The following MMP16 variants were observed in gnomAD, a reference collection of about 807,000 sequenced individuals.
The protein encoded by MMP16 is matrix metalloproteinase-16.
Under a neutral mutation model 67.8 loss-of-function variants are expected in MMP16, and 12 were observed. That is an observed-to-expected ratio of 0.18 (90% CI 0.11 to 0.29). The LOEUF is 0.29. Among genes scored for constraint, MMP16 ranks in the 10% least tolerant of loss-of-function variants. The probability of loss-of-function intolerance (pLI) is 1.00; values close to 1 mark genes in which losing one functional copy is unlikely to be tolerated. For missense variants in MMP16, 475 were observed against 765.7 expected (o/e 0.62, Z 4.48); for synonymous variants, 249 against 255.9 (o/e 0.97, Z 0.26).
intron 6 of MMP16, among the ~76,000 whole-genome samples, chr8:88,109,581 T>C (rs1809299744): frequency 6.6e-6 from 1 of 151,246 alleles, no homozygotes; most frequent in Non-Finnish European, 1.5e-5. Flanking sequence ...AGGTCAACAG[T>C]GGCACATTCA....
intron 6 of MMP16, among the ~76,000 whole-genome samples, chr8:88,091,386 G>C (rs903275664): frequency 9.2e-5 from 14 of 151,766 alleles, no homozygotes; most frequent in African/African-American, 3.4e-4. Flanking sequence ...CACATTAAGG[G>C]AATGGAGGTT....
intron 4 of MMP16, among the ~76,000 whole-genome samples, chr8:88,160,094 T>C (rs564020656): frequency 6.6e-6 from 1 of 152,086 alleles, no homozygotes; most frequent in Admixed American, 6.6e-5. Flanking sequence ...TAGCATTAGG[T>C]ATATCTCCTA....
chr8:88,264,095 G>A (rs944258744), intron 1 of MMP16, among the ~76,000 whole-genome samples: 2 of 105,144 alleles, frequency 1.9e-5, no homozygotes, highest in Non-Finnish European at 3.9e-5. Flanking sequence ...GTGTGTGTGT[G>A]TGTATACATA....
chr8:88,079,997 C>T (rs891314515), intron 6 of MMP16, among the ~76,000 whole-genome samples: 2 of 152,186 alleles, frequency 1.3e-5, no homozygotes, highest in Non-Finnish European at 2.9e-5. Context: ...TGAACTAAGA[C>T]ATTCTTGTAC....
At chr8:88,061,181 T>G (rs1808396005) in intron 7 of MMP16, among the ~76,000 whole-genome samples, 1 of 148,992 alleles carries the variant, frequency 6.7e-6, no homozygotes, top group African/African-American at 2.5e-5. Context: ...CCCCTCATCC[T>G]AAAGGCCCAG....
intron 4 of MMP16, among the ~76,000 whole-genome samples, chr8:88,136,609 TTAAA>T (rs997908745): frequency 3.3e-5 from 5 of 151,412 alleles, no homozygotes; most frequent in African/African-American, 1.2e-4. Flanking sequence ...GAACTTCATA[TTAAA>T]TAAATTCATA....
In MMP16 at chr8:88,245,167, C is replaced by T. The variant is rs190397520; in HGVS notation, c.133-47861G>A. 5.9e-5 allele frequency among the ~76,000 whole-genome samples: 9 copies of T among 152,250 alleles called. No individual in the cohort carries two copies. In the East Asian group the frequency reaches 7.7e-4, roughly 13 times the overall value. On this transcript the variant is annotated intron_variant, in intron 1 of 9. Transcript: ENST00000286614. ...TGGCTAAAAGGTGTGACTCTCAATA[C>T]GCGAATATTGGAATTGAAATTCTTC...
At chr8:88,149,647 G>T (rs1411160317) in intron 4 of MMP16, among the ~76,000 whole-genome samples, 1 of 151,336 alleles carries the variant, frequency 6.6e-6, no homozygotes, top group Non-Finnish European at 1.5e-5. Context: ...TGCAGCTGAG[G>T]GTGCTGTCTG....
At chr8:88,157,029 C>A (rs1266084632) in intron 4 of MMP16, among the ~76,000 whole-genome samples, 2 of 152,148 alleles carry the variant, frequency 1.3e-5, no homozygotes, top group Non-Finnish European at 2.9e-5. Flanking sequence ...AAACCTGTCA[C>A]CTTTCTCCTG....
At chr8:88,285,036 T>C (rs1810805349) in intron 1 of MMP16, among the ~76,000 whole-genome samples, 1 of 152,182 alleles carries the variant, frequency 6.6e-6, no homozygotes, top group Non-Finnish European at 1.5e-5. Context: ...TAACAGCATT[T>C]AGCATATGTT....
intron 1 of MMP16, among the ~76,000 whole-genome samples, chr8:88,257,875 A>T (rs1301369033): frequency 6.6e-6 from 1 of 152,170 alleles, no homozygotes; most frequent in Non-Finnish European, 1.5e-5. Context: ...GTTAAAGGGA[A>T]GGCAATAGTA....
intron 1 of MMP16, among the ~76,000 whole-genome samples, chr8:88,250,828 C>A (rs1183742104): frequency 6.7e-6 from 1 of 150,034 alleles, no homozygotes; most frequent in Middle Eastern, 3.5e-3. Context: ...GCACATTGTG[C>A]AGGTTAGTTA....
intron 1 of MMP16, among the ~76,000 whole-genome samples, chr8:88,321,701 C>G (rs1224681366): frequency 6.6e-6 from 1 of 152,140 alleles, no homozygotes; most frequent in African/African-American, 2.4e-5. Context: ...GTCAATATTG[C>G]ATTTCCCATC....
intron 4 of MMP16, among the ~76,000 whole-genome samples, chr8:88,163,324 GAATTT>G (rs1808661221): frequency 6.6e-6 from 1 of 152,066 alleles, no homozygotes; most frequent in Non-Finnish European, 1.5e-5. Context: ...AGTGAATGAT[GAATTT>G]AATTTAACGG....
At chr8:88,263,991 T>A (rs1324654754) in intron 1 of MMP16, among the ~76,000 whole-genome samples, 118 of 142,324 alleles carry the variant, frequency 8.3e-4, no homozygotes, top group East Asian at 3.7e-3. Context: ...AGAGAGAGTG[T>A]GTGTGTGTGT....
At chr8:88,097,173 G>C (rs890781670) in intron 6 of MMP16, among the ~76,000 whole-genome samples, 1 of 151,836 alleles carries the variant, frequency 6.6e-6, no homozygotes, top group Admixed American at 6.6e-5. Context: ...AACTCAATTA[G>C]GGAAAATGTT....
intron 4 of MMP16, among the ~76,000 whole-genome samples, chr8:88,140,380 G>A (rs1278524420): frequency 2.0e-5 from 3 of 152,162 alleles, no homozygotes; most frequent in Non-Finnish European, 4.4e-5. Flanking sequence ...AGTCTCAGAA[G>A]TCACGTAGCA....
At chr8:88,170,458 A>C (rs1198658301) in intron 3 of MMP16, among the ~76,000 whole-genome samples, 1 of 152,098 alleles carries the variant, frequency 6.6e-6, no homozygotes, top group Non-Finnish European at 1.5e-5. Flanking sequence ...TAATTTTCCT[A>C]ATAGTCTTTT....
At chr8:88,123,612 C>T (rs916042712) in intron 4 of MMP16, among the ~76,000 whole-genome samples, 1 of 151,840 alleles carries the variant, frequency 6.6e-6, no homozygotes, top group African/African-American at 2.4e-5. Context: ...ATAAATGTCA[C>T]TGAACTTGTT....
Sources: gnomAD v4.1 joint callset for allele counts (sites outside exome capture counted in the v4.1 genomes callset) on GRCh38, gnomAD v4.1.1 for gene constraint, MANE v1.5 for transcripts, NCBI Gene and HGNC (gene_info 2026-07-23, HGNC 2026-07-21) for gene names.